The following MECOM variants were observed in gnomAD, a reference collection of about 807,000 sequenced individuals.
MECOM encodes histone-lysine N-methyltransferase MECOM.
MECOM carries 13 observed loss-of-function variants against 116.3 expected under a neutral mutation model. The ratio of observed to expected loss-of-function variants is 0.11; its 90% CI spans 0.07 to 0.18. The LOEUF (loss-of-function observed/expected upper bound fraction) is 0.18. Among genes scored for constraint, MECOM ranks in the 10% least tolerant of loss-of-function variants. MECOM has a pLI of 1.00. For synonymous variants in MECOM, 528 were observed against 535.2 expected (o/e 0.99, Z 0.19); for missense variants, 1,299 against 1,509.0 (o/e 0.86, Z 2.31).
intron 1 of MECOM, among the ~76,000 whole-genome samples, chr3:169,431,273 G>A (rs1228183858): frequency 6.6e-6 from 1 of 152,126 alleles, no homozygotes; most frequent in African/African-American, 2.4e-5. Flanking sequence ...GAGTAGGAAG[G>A]GAGTAGCAGG....
chr3:169,451,445 T>C (rs1052847012), intron 1 of MECOM, among the ~76,000 whole-genome samples: 1 of 152,196 alleles, frequency 6.6e-6, no homozygotes, highest in Non-Finnish European at 1.5e-5. Flanking sequence ...GAAGGGAAAG[T>C]AGATAGAAAG....
intron 2 of MECOM, among the ~76,000 whole-genome samples, chr3:169,276,713 T>C (rs559740203): frequency 3.5e-4 from 54 of 152,238 alleles, no homozygotes; most frequent in Non-Finnish European, 5.3e-4. Flanking sequence ...CATTCACCCT[T>C]ATCCAAGAAG....
intron 2 of MECOM, among the ~76,000 whole-genome samples, chr3:169,234,435 G>A (rs1753780849): frequency 6.6e-6 from 1 of 151,336 alleles, no homozygotes; most frequent in Non-Finnish European, 1.5e-5. Flanking sequence ...AAGAAGACTA[G>A]AGATAAGGGA....
At chr3:169,200,017 G>GGCAA in intron 2 of MECOM, among the ~76,000 whole-genome samples, 1 of 130,004 alleles carries the variant, frequency 7.7e-6, no homozygotes, top group East Asian at 2.5e-4. Flanking sequence ...GTAAAACGTT[G>GGCAA]TGTTCTGTTT....
chr3:169,472,986 C>T (rs1292967756), intron 1 of MECOM: 31 of 983,214 alleles, frequency 3.2e-5, no homozygotes, highest in Non-Finnish European at 3.4e-5. Flanking sequence ...AGACACCACC[C>T]AGATACCATG....
chr3:169,094,710 C>G (rs1720939443), intron 13 of MECOM, among the ~76,000 whole-genome samples: 1 of 152,194 alleles, frequency 6.6e-6, no homozygotes, highest in Non-Finnish European at 1.5e-5. Context: ...TCTGGGGCTG[C>G]TACTCTAGAG....
intron 1 of MECOM, among the ~76,000 whole-genome samples, chr3:169,552,356 A>T (rs1415143790): frequency 6.6e-6 from 1 of 152,008 alleles, no homozygotes; most frequent in Non-Finnish European, 1.5e-5. Flanking sequence ...ATACCTACAA[A>T]AGCCCTTTGG....
chr3:169,386,445 A>T (rs1733328209), intron 1 of MECOM, among the ~76,000 whole-genome samples: 1 of 152,162 alleles, frequency 6.6e-6, no homozygotes, highest in African/African-American at 2.4e-5. Flanking sequence ...CGATCCTTAA[A>T]GATATGTTTT....
chr3:169,618,605 C>CG (rs1560499984), intron 1 of MECOM, among the ~76,000 whole-genome samples: 6 of 151,478 alleles, frequency 4.0e-5, no homozygotes, highest in African/African-American at 1.5e-4. Context: ...TGCAGTGAGC[C>CG]GAGATCACAC....
At chr3:169,577,609 TTAAA>T (rs1204177061) in intron 1 of MECOM, among the ~76,000 whole-genome samples, 1 of 152,100 alleles carries the variant, frequency 6.6e-6, no homozygotes, top group Admixed American at 6.6e-5. Flanking sequence ...CATGGAGGTG[TTAAA>T]TGAATGAATG....
At chr3:169,397,019 C>A (rs939868655) in intron 1 of MECOM, among the ~76,000 whole-genome samples, 4 of 152,068 alleles carry the variant, frequency 2.6e-5, no homozygotes, top group Non-Finnish European at 2.9e-5. Flanking sequence ...TGCTCTTGAG[C>A]ATCTTTTGTA....
chr3:169,129,402 G>T (rs774999670), intron 4 of MECOM, among the ~76,000 whole-genome samples: 1 of 37,692 alleles, frequency 2.7e-5, no homozygotes, highest in Non-Finnish European at 5.6e-5. Context: ...ATTCAGACTT[G>T]GTTTTTAGAA....
intron 1 of MECOM, among the ~76,000 whole-genome samples, chr3:169,604,496 G>A (rs1435914572): frequency 6.6e-6 from 1 of 152,210 alleles, no homozygotes; most frequent in Non-Finnish European, 1.5e-5. Flanking sequence ...GTACCCCTGA[G>A]CCCTGTGGAA....
chr3:169,295,275 G>C (rs1027518846), intron 2 of MECOM, among the ~76,000 whole-genome samples: 1 of 151,908 alleles, frequency 6.6e-6, no homozygotes, highest in African/African-American at 2.4e-5. Context: ...TATTTAAAAG[G>C]GTTAAAAAAA....
At chr3:169,334,091 G>A (rs56314939) in intron 2 of MECOM, among the ~76,000 whole-genome samples, 118 of 152,036 alleles carry the variant, frequency 7.8e-4, no homozygotes, top group African/African-American at 2.8e-3. Flanking sequence ...TGCAAATTTT[G>A]CTGGCTCTCT....
intron 2 of MECOM, among the ~76,000 whole-genome samples, chr3:169,249,358 C>A (rs1033017621): frequency 6.6e-6 from 1 of 152,152 alleles, no homozygotes; most frequent in Non-Finnish European, 1.5e-5. Context: ...AAGAAAAAGA[C>A]AGAACAACAC....
At chr3:169,162,885 T>G (rs2149352176) in intron 2 of MECOM, among the ~76,000 whole-genome samples, 1 of 152,304 alleles carries the variant, frequency 6.6e-6, no homozygotes, top group East Asian at 1.9e-4. Flanking sequence ...TTTAATCTAA[T>G]AATTACTAAC....
chr3:169,141,458 G>C (rs558774376), intron 3 of MECOM, among the ~76,000 whole-genome samples: 1 of 152,102 alleles, frequency 6.6e-6, no homozygotes, highest in Middle Eastern at 3.4e-3. Flanking sequence ...ATTATGTGAT[G>C]AGTTGTGCTT....
intron 2 of MECOM, among the ~76,000 whole-genome samples, chr3:169,211,400 T>C (rs1750714082): frequency 1.3e-5 from 2 of 152,158 alleles, no homozygotes. Context: ...ATGGTGTATC[T>C]GCTTGTCTTC....
Sources: allele counts gnomAD v4.1 joint callset (sites outside exome capture counted in the v4.1 genomes callset), GRCh38; gene constraint gnomAD v4.1.1; transcripts MANE v1.5; gene names NCBI Gene and HGNC (gene_info 2026-07-23, HGNC 2026-07-21).